MAG: variants seen among roughly 807,000 people sequenced by gnomAD.
MAG encodes myelin associated glycoprotein.
Under a neutral mutation model 60.7 loss-of-function variants are expected in MAG, and 30 were observed. The ratio of observed to expected loss-of-function variants is 0.49; its 90% CI spans 0.37 to 0.67. The LOEUF is 0.67. Among genes scored for constraint, MAG ranks in the 30% least tolerant of loss-of-function variants. The pLI, the probability that MAG is intolerant of heterozygous loss-of-function variation, is 0.00. For missense variants in MAG, 795 were observed against 851.7 expected (o/e 0.93, Z 0.83); for synonymous variants, 384 against 376.8 (o/e 1.02, Z -0.22).
chr19:35,296,115 G>A, intron 4 of MAG, 134 bp downstream of exon 4: 3 of 1,272,372 alleles, frequency 2.4e-6, no homozygotes, highest in South Asian at 3.0e-5. Flanking sequence ...TTGGCTGGGG[G>A]TGCAAACCTC....
Position 35,310,046 on chromosome 19 carries a change from C to T in MAG, c.1404C>T (p.Leu468=), listed in dbSNP as rs146550254. The T allele has an allele frequency of 3.1e-6, 5 of 1,613,808 alleles. No homozygotes were observed. The highest frequency in any genetic ancestry group is 4.2e-6 in the Non-Finnish European group (5 of 1,179,918). Residue 468 remains leucine (L), a synonymous_variant, in exon 8 of 11, where the codon CTC becomes CTT. Transcript: ENST00000392213. ...REFVYSERSG[L]VLTSILTLRG... ...TCGTGTACTCGGAGCGCAGCGGCCTCGTGCTCACCAGCATCCTCACGCTGC... is the reference window on the plus strand; with the variant it reads ...TCGTGTACTCGGAGCGCAGCGGCCTTGTGCTCACCAGCATCCTCACGCTGC...
At chr19:35,311,294 C>T (rs762481462) in intron 9 of MAG, among the ~76,000 whole-genome samples, 2 of 151,786 alleles carry the variant, frequency 1.3e-5, no homozygotes, top group Non-Finnish European at 2.9e-5. Flanking sequence ...ATAGGGAGAC[C>T]CCATCTACAA....
intron 7 of MAG, among the ~76,000 whole-genome samples, chr19:35,306,863 T>C (rs1242320482): frequency 6.6e-6 from 1 of 152,240 alleles, no homozygotes; most frequent in Non-Finnish European, 1.5e-5. Context: ...CCCAGGAGCC[T>C]GAGTGGCCTC....
At position 35,292,201 on chromosome 19, in the gene MAG, C is replaced by A. The variant is rs767013460; in HGVS notation, c.-83C>A. 6 of 455,498 alleles carry A rather than the reference C, an allele frequency of 1.3e-5. No individual in the cohort carries two copies. Among genetic ancestry groups the A allele is most frequent in the South Asian group, 9.3e-5 (6 of 64,516 alleles). The allele number at this position is 455,498 out of a possible 1,614,324, so 28.2% of individuals were successfully genotyped here. On this transcript the variant is annotated 5_prime_UTR_variant, in exon 1 of 11. Coordinates refer to ENST00000392213, the MANE Select transcript of MAG (RefSeq NM_002361.4). Reference sequence around the variant, plus strand: ...AGCAGAGGTGCAGAAGCAACTGAGTCCAAGTGAGTATGGTGGCAGGGAGGC... The same window carrying A: ...AGCAGAGGTGCAGAAGCAACTGAGTACAAGTGAGTATGGTGGCAGGGAGGC...
intron 7 of MAG, among the ~76,000 whole-genome samples, chr19:35,307,211 T>C (rs2145621364): frequency 6.6e-6 from 1 of 152,272 alleles, no homozygotes; most frequent in East Asian, 1.9e-4. Context: ...ATTGCAGCTC[T>C]GCCCGAACAG....
intron 7 of MAG, among the ~76,000 whole-genome samples, chr19:35,307,056 T>C (rs371395540): frequency 6.6e-6 from 1 of 152,350 alleles, no homozygotes; most frequent in East Asian, 1.9e-4. Flanking sequence ...TCCGCCGACA[T>C]CCAGGTCGAA....
intron 10 of MAG, chr19:35,312,415 C>A: frequency 1.6e-6 from 2 of 1,222,118 alleles, no homozygotes; most frequent in South Asian, 1.2e-5. Flanking sequence ...TGTCAGGCGT[C>A]AAGGTGGTCT....
At chr19:35,307,916 C>T (rs1476184227) in intron 7 of MAG, among the ~76,000 whole-genome samples, 1 of 151,934 alleles carries the variant, frequency 6.6e-6, no homozygotes, top group Non-Finnish European at 1.5e-5. Context: ...ATCTGCAGCG[C>T]AGACTGAAAG....
rs894598816 is a variant in MAG at position 35,313,225 on chromosome 19, T to C, written c.1717-65T>C. ...TCAGGAGCTCTGAGGGTGCAAACGC[T>C]CTGTCCTCTGCATTGGGAAAAGGCA... is the stretch of plus-strand genomic sequence containing the variant. On this transcript the variant is annotated intron_variant, in intron 10 of 10. Transcript: ENST00000392213. 3 of 1,523,558 alleles carry C rather than the reference T, an allele frequency of 2.0e-6. No homozygotes were observed. In the African/African-American group the frequency reaches 4.2e-5, roughly 21 times the overall value. 94.4% of individuals were successfully genotyped at this position (1,523,558 alleles called of 1,614,324 possible).
rs2066386010 is a variant in MAG at position 35,295,127 on chromosome 19, G to C, written c.-23-259G>C. On this transcript the variant is annotated intron_variant, in intron 2 of 10. Coordinates refer to ENST00000392213, the MANE Select transcript of MAG (RefSeq NM_002361.4). The surrounding 1 kb of genome is among the most constrained non-coding windows in gnomAD (Gnocchi z 5.8). ...AAAGAAGAAAAATTAACTGGGTGTG[G>C]GGTGGCGCATACCAGAAGCTGAGAC... is the stretch of plus-strand genomic sequence containing the variant. 6.6e-6 allele frequency among the ~76,000 whole-genome samples: 1 copy of C among 152,096 alleles called. No individual in the cohort carries two copies. The highest frequency in any genetic ancestry group is 6.5e-5 in the Admixed American group (1 of 15,274).
chr19:35,296,060 C>T (rs1384433935), intron 4 of MAG, 79 bp downstream of exon 4: 5 of 1,500,140 alleles, frequency 3.3e-6, no homozygotes, highest in Non-Finnish European at 4.4e-6. Flanking sequence ...GGCCTCCCCG[C>T]ACCTTCCCCA....
At position 35,295,839 on chromosome 19, in the gene MAG, C is replaced by T; in HGVS notation, c.273C>T (p.Leu91=). The T allele has an allele frequency of 6.2e-7, 1 of 1,614,016 alleles. No homozygotes were observed. The highest frequency in any genetic ancestry group is 8.5e-7 in the Non-Finnish European group (1 of 1,180,034). Residue 91 remains leucine, a synonymous_variant, in exon 4 of 11, where the codon CTC becomes CTT. Transcript: ENST00000392213. The surrounding 1 kb of genome is among the most constrained non-coding windows in gnomAD (Gnocchi z 5.8). ...VHESFQGRSR[L]LGDLGLRNCT... is the part of the protein sequence containing the mutation. Reference sequence around the variant, plus strand: ...AGAGCTTCCAGGGCCGCAGCCGCCTCCTGGGGGACCTGGGCCTGCGAAACT... The same window carrying T: ...AGAGCTTCCAGGGCCGCAGCCGCCTTCTGGGGGACCTGGGCCTGCGAAACT...
intron 10 of MAG, chr19:35,312,419 G>A: frequency 8.6e-7 from 1 of 1,157,260 alleles, no homozygotes; most frequent in Non-Finnish European, 1.3e-6. Context: ...AGGCGTCAAG[G>A]TGGTCTCTGG....
chr19:35,312,612 A>T (rs747554999), intron 10 of MAG: 4 of 546,888 alleles, frequency 7.3e-6, no homozygotes, highest in African/African-American at 1.9e-5. Context: ...GGGCGGACCC[A>T]TGCAGGACCC....
chr19:35,292,763 C>T (rs186618588), intron 1 of MAG, among the ~76,000 whole-genome samples: 12 of 151,552 alleles, frequency 7.9e-5, no homozygotes, highest in Non-Finnish European at 1.5e-4. Context: ...TTTTATTTTT[C>T]GTTACTTTTT....
At chr19:35,300,120 C>T in intron 5 of MAG, 27 bp from the exon 6 acceptor site, 1 of 1,511,026 alleles carries the variant, frequency 6.6e-7, no homozygotes, top group Non-Finnish European at 8.9e-7. Flanking sequence ...CACCTGCTCA[C>T]TAACCTCGCT....
chr19:35,294,215 G>C lies in MAG; in HGVS notation c.-79-20G>C, dbSNP rs1041841530. On this transcript the variant is annotated intron_variant, in intron 1 of 10. Transcript: ENST00000392213. The stretch of plus-strand genomic sequence containing the variant: ...CTCAATCCCGCCCCCTTGCACCTGA[G>C]TGACTCTTGTTGCATGCAGGTTGTC... The C allele has an allele frequency of 9.4e-6, 4 of 425,422 alleles. No individual in the cohort carries two copies. Among genetic ancestry groups the C allele is most frequent in the African/African-American group, 4.2e-5 (2 of 47,854 alleles). The allele number at this position is 425,422 out of a possible 1,614,324, so 26.4% of individuals were successfully genotyped here.
In MAG at chr19:35,302,502, C is replaced by T. The variant is rs199924214; in HGVS notation, c.1025C>T (p.Thr342Met). 4.6e-5 allele frequency: 75 copies of T among 1,614,198 alleles called. 1 individual carries two copies. In the South Asian group the frequency reaches 5.9e-4, roughly 13 times the overall value. Residue 342 changes from threonine to methionine, a missense_variant, in exon 7 of 11, where the codon ACG (threonine) becomes ATG (methionine). By Grantham distance (81) the Thr-to-Met change is moderately conservative (BLOSUM62 -1). Coordinates refer to ENST00000392213, the MANE Select transcript of MAG (RefSeq NM_002361.4). Reference sequence around the variant, plus strand: ...ACAATGGTGGCCGTAGAGGGGGAGACGGTCTCTATCTTGTGCTCCACACAG... The same window carrying T: ...ACAATGGTGGCCGTAGAGGGGGAGATGGTCTCTATCTTGTGCTCCACACAG... ...NGTMVAVEGE[T>M]VSILCSTQSN...
chr19:35,300,535 CAG>C (rs2066441641), intron 6 of MAG, 131 bp downstream of exon 6: 1 of 1,179,990 alleles, frequency 8.5e-7, no homozygotes, highest in Non-Finnish European at 1.1e-6. Flanking sequence ...CCAAGGTAGA[CAG>C]GGGGGTTGCA....
Sources: allele counts gnomAD v4.1 joint callset (sites outside exome capture counted in the v4.1 genomes callset), GRCh38; gene constraint gnomAD v4.1.1; non-coding constraint Gnocchi (gnomAD v3.1); transcripts MANE v1.5; gene names NCBI Gene and HGNC (gene_info 2026-07-23, HGNC 2026-07-21).